The following PRR23C variants were observed in gnomAD, a reference collection of about 807,000 sequenced individuals.
PRR23C encodes the protein proline rich 23C, also known as proline-rich protein 23C.
Under a neutral mutation model 0.1 loss-of-function variants are expected in PRR23C, and 1 was observed. The observed-to-expected ratio is 6.80, with a 90% CI of 2.41 to 32.24. The LOEUF (loss-of-function observed/expected upper bound fraction) is 32.24. Among genes scored for constraint, PRR23C ranks in the 30% most tolerant of loss-of-function variants. The pLI, the probability that PRR23C is intolerant of heterozygous loss-of-function variation, is 0.11. For synonymous variants in PRR23C, 172 were observed against 168.1 expected, an observed-to-expected ratio of 1.02 and a Z score of -0.18; for missense variants, 361 against 370.4, an observed-to-expected ratio of 0.97 and a Z score of 0.21.
chr3:139,044,544 G>A lies in PRR23C; in HGVS notation c.77C>T (p.Ala26Val). ...GGGCTCCTCCAATCGGCTGCGCTTG[G>A]CAGGGCCTGGTCCTCCTGGCTGCTG... is the stretch of plus-strand genomic sequence containing the variant. ...WGQQPGGPGPAKRSRLEEPAG... is the reference protein window; with the variant it reads ...WGQQPGGPGPVKRSRLEEPAG... The change falls in exon 1 of 1, where the codon GCC (alanine) becomes GTC (valine). Residue 26 changes from alanine (A) to valine (V), a missense_variant. Ala to Val is a moderately conservative substitution (Grantham distance 64). Transcript: ENST00000413199. This position sits in a 1 kb window ranked among gnomAD's most constrained non-coding sequence, Gnocchi z 7.5. 2 of 1,543,518 alleles carry A rather than the reference G, an allele frequency of 1.3e-6. No individual in the cohort carries two copies. The highest frequency in any genetic ancestry group is 1.4e-5 in the African/African-American group (1 of 73,048).
chr3:139,044,224 C>T lies in PRR23C; in HGVS notation c.397G>A (p.Glu133Lys), dbSNP rs1937176036. 1.9e-6 allele frequency: 3 copies of T among 1,611,778 alleles called. No homozygotes were observed. The highest frequency in any genetic ancestry group is 2.5e-6 in the Non-Finnish European group (3 of 1,178,930). The stretch of plus-strand genomic sequence containing the variant: ...ACTTCCTGCTCGACGACGACGTCTT[C>T]CCCGTGAGCGCCCAGGAAAACGTCC... Reference protein sequence around the residue: ...EVDVFLGAHGEDVVVEQEVCA... With the variant: ...EVDVFLGAHGKDVVVEQEVCA... The change falls in exon 1 of 1, where the codon GAA becomes AAA. Residue 133 changes from glutamate to lysine, a missense_variant. Transcript: ENST00000413199. This position sits in a 1 kb window ranked among gnomAD's most constrained non-coding sequence, Gnocchi z 7.5.
At position 139,044,844 on chromosome 3, in the gene PRR23C, G is replaced by A. The variant is rs1280159440; in HGVS notation, c.-224C>T. 14 of 540,910 alleles carry A rather than the reference G, an allele frequency of 2.6e-5. No homozygotes were observed. The highest frequency in any genetic ancestry group is 4.1e-5 in the Admixed American group (1 of 24,642). The allele number at this position is 540,910 out of a possible 1,614,324, so 33.5% of individuals were successfully genotyped here. On this transcript the variant is annotated 5_prime_UTR_variant, in exon 1 of 1. Coordinates refer to ENST00000413199, the MANE Select transcript of PRR23C (RefSeq NM_001134657.1). This position sits in a 1 kb window ranked among gnomAD's most constrained non-coding sequence, Gnocchi z 7.5. ...GCTCAGCCTCGCGCGATGGAAACTT[G>A]GGCCTTCCTGACGCAGACCCGGATG... is the stretch of plus-strand genomic sequence containing the variant.
rs1186407527 is a variant in PRR23C at position 139,044,503 on chromosome 3, G to T, written c.118C>A (p.Arg40=). The change falls in exon 1 of 1, where the codon CGA becomes AGA. Residue 40 remains arginine (R), a synonymous_variant. Transcript: ENST00000413199. This position sits in a 1 kb window ranked among gnomAD's most constrained non-coding sequence, Gnocchi z 7.5. ...GGGTCTTCCGGGCTGGGCGCCGCTC[G>T]GGATTCGGGGCCCGCGGGCTCCTCC... The part of the protein sequence containing the change: ...RLEEPAGPES[R]AAPSPEDPAG... 1 of 1,543,466 alleles carries T rather than the reference G, an allele frequency of 6.5e-7. No individual in the cohort carries two copies. The highest frequency in any genetic ancestry group is 2.4e-5 in the East Asian group (1 of 40,824).
chr3:139,044,711 C>G lies in PRR23C; in HGVS notation c.-91G>C. The G allele has an allele frequency of 7.4e-7, 1 of 1,349,418 alleles. No homozygotes were observed. Among genetic ancestry groups the G allele is most frequent in the Non-Finnish European group, 9.7e-7 (1 of 1,030,890 alleles). 83.6% of individuals were successfully genotyped at this position (1,349,418 alleles called of 1,614,324 possible). A position where few individuals can be genotyped will look rare whatever the true frequency, so the allele number is the denominator to read the frequency against. On this transcript the variant is annotated 5_prime_UTR_variant, in exon 1 of 1. Transcript: ENST00000413199. This position sits in a 1 kb window ranked among gnomAD's most constrained non-coding sequence, Gnocchi z 7.5. ...GGCGGCGAAGTCCTCTTTGAGGTAA[C>G]AGGTGTCGGCAGGACCGCGCGACGC...
At position 139,044,522 on chromosome 3, in the gene PRR23C, C is replaced by T. The variant is rs201245162; in HGVS notation, c.99G>A (p.Glu33=). The part of the protein sequence containing the change: ...PGPAKRSRLE[E]PAGPESRAAP... ...CCGCTCGGGATTCGGGGCCCGCGGG[C>T]TCCTCCAATCGGCTGCGCTTGGCAG... is the stretch of plus-strand genomic sequence containing the variant. Residue 33 remains glutamate (E), a synonymous_variant, in exon 1 of 1, where the codon GAG becomes GAA. Transcript: ENST00000413199. This position sits in a 1 kb window ranked among gnomAD's most constrained non-coding sequence, Gnocchi z 7.5. 1 of 1,544,790 alleles carries T rather than the reference C, an allele frequency of 6.5e-7. No homozygotes were observed. The highest frequency in any genetic ancestry group is 8.7e-7 in the Non-Finnish European group (1 of 1,145,718).
chr3:139,044,286 G>A lies in PRR23C; in HGVS notation c.335C>T (p.Ser112Leu), dbSNP rs1200375371. The change falls in exon 1 of 1, where the codon TCA becomes TTA. Residue 112 changes from serine (S) to leucine (L), a missense_variant. Coordinates refer to ENST00000413199, the MANE Select transcript of PRR23C (RefSeq NM_001134657.1). The surrounding 1 kb of genome is among the most constrained non-coding windows in gnomAD (Gnocchi z 7.5). ...EVLLSSVDEC[S>L]GAQGDWSAGL... ...GGCAGACCAGTCGCCCTGCGCTCCT[G>A]AGCATTCGTCGACGGAGCTCAGGAG... The A allele has an allele frequency of 1.2e-6, 2 of 1,609,444 alleles. No individual in the cohort carries two copies. The highest frequency in any genetic ancestry group is 1.7e-6 in the Non-Finnish European group (2 of 1,178,012).
In PRR23C at chr3:139,043,951, G is replaced by T. The variant is rs1372208318; in HGVS notation, c.670C>A (p.Pro224Thr). ...IFDLEFHLLE[P>T]VPSSPLQPLP... ...GGTTGGAGAGGTGAGCTGGGGACAG[G>T]CTCCAGAAGATGGAATTCCAGGTCG... Residue 224 changes from proline to threonine, a missense_variant, in exon 1 of 1, where the codon CCT (proline) becomes ACT (threonine). Pro to Thr is a conservative substitution (Grantham distance 38). Coordinates refer to ENST00000413199, the MANE Select transcript of PRR23C (RefSeq NM_001134657.1). 2 of 1,607,598 alleles carry T rather than the reference G, an allele frequency of 1.2e-6. No homozygotes were observed. The highest frequency in any genetic ancestry group is 1.7e-6 in the Non-Finnish European group (2 of 1,176,906).
rs913736655 is a variant in PRR23C, at chr3:139,044,563, G to T, written c.58C>A (p.Pro20Thr). The T allele has an allele frequency of 1.2e-5, 18 of 1,541,128 alleles. No homozygotes were observed. Among genetic ancestry groups the T allele is most frequent in the Middle Eastern group, 2.2e-4 (1 of 4,562 alleles). ...CGCTTGGCAGGGCCTGGTCCTCCTG[G>T]CTGCTGTCCCCACCAGGGCGCAAGG... ...ACLAPWWGQQ[P>T]GGPGPAKRSR... is the part of the protein sequence containing the mutation. The change falls in exon 1 of 1, where the codon CCA (proline) becomes ACA (threonine). Residue 20 changes from proline (P) to threonine (T), a missense_variant. Transcript: ENST00000413199. This position sits in a 1 kb window ranked among gnomAD's most constrained non-coding sequence, Gnocchi z 7.5.
chr3:139,043,776 A>G lies in PRR23C; in HGVS notation c.*56T>C, dbSNP rs1423134263. 1.4e-6 allele frequency: 2 copies of G among 1,427,110 alleles called. No individual in the cohort carries two copies. Among genetic ancestry groups the G allele is most frequent in the Non-Finnish European group, 1.9e-6 (2 of 1,071,754 alleles). The allele number at this position is 1,427,110 out of a possible 1,614,324, so 88.4% of individuals were successfully genotyped here. A position where few individuals can be genotyped will look rare whatever the true frequency, so the allele number is the denominator to read the frequency against. ...GTTGCGCAACATACACACAACGGCTATCAGGAGACGGTCTCCTGGAGCCCA... is the reference window on the plus strand; with the variant it reads ...GTTGCGCAACATACACACAACGGCTGTCAGGAGACGGTCTCCTGGAGCCCA... On this transcript the variant is annotated 3_prime_UTR_variant, in exon 1 of 1. Coordinates refer to ENST00000413199, the MANE Select transcript of PRR23C (RefSeq NM_001134657.1).
rs747717754 is a variant in PRR23C at position 139,044,363 on chromosome 3, C to T, written c.258G>A (p.Ser86=). 2.5e-6 allele frequency: 4 copies of T among 1,597,846 alleles called. No homozygotes were observed. The highest frequency in any genetic ancestry group is 1.7e-5 in the Admixed American group (1 of 57,538). The change falls in exon 1 of 1, where the codon TCG becomes TCA. Residue 86 remains serine (S), a synonymous_variant. Transcript: ENST00000413199. The surrounding 1 kb of genome is among the most constrained non-coding windows in gnomAD (Gnocchi z 7.5). Reference sequence around the variant, plus strand: ...GTCCACCAAGAGACACTCGCAGGACCGACATTGGCGCGAGCTCCAGCACCA... The same window carrying T: ...GTCCACCAAGAGACACTCGCAGGACTGACATTGGCGCGAGCTCCAGCACCA... ...VDLVLELAPM[S]VLRVSLGGHT...
chr3:139,044,368 TTGG>T lies in PRR23C; in HGVS notation c.250_252del (p.Pro84del). 1.3e-6 allele frequency: 2 copies of T among 1,594,338 alleles called. No individual in the cohort carries two copies. The highest frequency in any genetic ancestry group is 1.7e-6 in the Non-Finnish European group (2 of 1,170,976). ...CCAAGAGACACTCGCAGGACCGACA[TTGG>T]CGCGAGCTCCAGCACCAGGTCGACG... is the stretch of plus-strand genomic sequence containing the variant. On this transcript the variant is annotated inframe_deletion, in exon 1 of 1. Coordinates refer to ENST00000413199, the MANE Select transcript of PRR23C (RefSeq NM_001134657.1). The surrounding 1 kb of genome is among the most constrained non-coding windows in gnomAD (Gnocchi z 7.5).
chr3:139,043,872 C>A lies in PRR23C; in HGVS notation c.749G>T (p.Arg250Leu). The A allele has an allele frequency of 1.9e-6, 3 of 1,563,646 alleles. No individual in the cohort carries two copies. Among genetic ancestry groups the A allele is most frequent in the Non-Finnish European group, 2.6e-6 (3 of 1,155,016 alleles). The stretch of plus-strand genomic sequence containing the variant: ...GCGTCTTCGGACCTTGCACGGAGGG[C>A]GCTCTGGGAGCTCCGGGCGCGCGTG... ...GPHARPELPE[R>L]PPCKVRRRLF... The change falls in exon 1 of 1, where the codon CGC becomes CTC. Residue 250 changes from arginine to leucine, a missense_variant. Coordinates refer to ENST00000413199, the MANE Select transcript of PRR23C (RefSeq NM_001134657.1).
Position 139,043,829 on chromosome 3 carries a change from A to G in PRR23C, c.*3T>C, listed in dbSNP as rs774462629. On this transcript the variant is annotated 3_prime_UTR_variant, in exon 1 of 1. Coordinates refer to ENST00000413199, the MANE Select transcript of PRR23C (RefSeq NM_001134657.1). The stretch of plus-strand genomic sequence containing the variant: ...AGGGTGGCAAGGGATTGTGGGAGGC[A>G]ACTCATTCCTGGAACAGGCGTCTTC... 1.2e-5 allele frequency: 19 copies of G among 1,525,070 alleles called. No homozygotes were observed. The Middle Eastern group carries it at 8.6e-4, about 69-fold the overall frequency. The allele number at this position is 1,525,070 out of a possible 1,614,324, so 94.5% of individuals were successfully genotyped here. A position where few individuals can be genotyped will look rare whatever the true frequency, so the allele number is the denominator to read the frequency against.
In PRR23C at chr3:139,043,545, C is replaced by G. The variant is rs1937163200; in HGVS notation, c.*287G>C. ...GCAAAACCAGGGGGAATGGAGCTGCCTAGGGGTGACTTCCAAACAAAACAG... is the reference window on the plus strand; with the variant it reads ...GCAAAACCAGGGGGAATGGAGCTGCGTAGGGGTGACTTCCAAACAAAACAG... On this transcript the variant is annotated 3_prime_UTR_variant, in exon 1 of 1. Transcript: ENST00000413199. The G allele has an allele frequency of 3.3e-6, 1 of 302,194 alleles. No homozygotes were observed. The highest frequency in any genetic ancestry group is 2.1e-5 in the African/African-American group (1 of 46,680). 18.7% of individuals were successfully genotyped at this position (302,194 alleles called of 1,614,324 possible). A position where few individuals can be genotyped will look rare whatever the true frequency, so the allele number is the denominator to read the frequency against.
rs1576496553 is a variant in PRR23C at position 139,044,559 on chromosome 3, C to T, written c.62G>A (p.Gly21Glu). The change falls in exon 1 of 1, where the codon GGA becomes GAA. Residue 21 changes from glycine (G) to glutamate (E), a missense_variant. Transcript: ENST00000413199. The surrounding 1 kb of genome is among the most constrained non-coding windows in gnomAD (Gnocchi z 7.5). ...GCTGCGCTTGGCAGGGCCTGGTCCTCCTGGCTGCTGTCCCCACCAGGGCGC... is the reference window on the plus strand; with the variant it reads ...GCTGCGCTTGGCAGGGCCTGGTCCTTCTGGCTGCTGTCCCCACCAGGGCGC... Reference protein sequence around the residue: ...CLAPWWGQQPGGPGPAKRSRL... With the variant: ...CLAPWWGQQPEGPGPAKRSRL... 3 of 1,541,734 alleles carry T rather than the reference C, an allele frequency of 1.9e-6. No homozygotes were observed. In the East Asian group the frequency reaches 7.4e-5, roughly 38 times the overall value.
chr3:139,042,841 G>A lies in PRR23C; in HGVS notation c.*991C>T, dbSNP rs1424764819. The A allele has an allele frequency of 6.6e-6, 1 of 152,250 alleles. No homozygotes were observed. Among genetic ancestry groups the A allele is most frequent in the African/African-American group, 2.4e-5 (1 of 41,460 alleles). 9.4% of individuals were successfully genotyped at this position (152,250 alleles called of 1,614,324 possible). ...GAGGTGGATGGATCACCTGAAGTCA[G>A]GAGTTCGAGACCAGCCTGGCCAACA... On this transcript the variant is annotated 3_prime_UTR_variant, in exon 1 of 1. Transcript: ENST00000413199.
At position 139,044,689 on chromosome 3, in the gene PRR23C, G is replaced by A. The variant is rs1259657022; in HGVS notation, c.-69C>T. 3 of 1,410,162 alleles carry A rather than the reference G, an allele frequency of 2.1e-6. No individual in the cohort carries two copies. The highest frequency in any genetic ancestry group is 2.8e-6 in the Non-Finnish European group (3 of 1,084,574). 87.4% of individuals were successfully genotyped at this position (1,410,162 alleles called of 1,614,324 possible). A position where few individuals can be genotyped will look rare whatever the true frequency, so the allele number is the denominator to read the frequency against. ...GACGTGGGTGCGGGGGGCTCGGGGC[G>A]GCGAAGTCCTCTTTGAGGTAACAGG... On this transcript the variant is annotated 5_prime_UTR_variant, in exon 1 of 1. Transcript: ENST00000413199. This position sits in a 1 kb window ranked among gnomAD's most constrained non-coding sequence, Gnocchi z 7.5.
rs1423972708 is a variant in PRR23C at position 139,042,364 on chromosome 3, A to C, written c.*1468T>G. The C allele has an allele frequency of 1.3e-5, 2 of 151,486 alleles. No individual in the cohort carries two copies. The highest frequency in any genetic ancestry group is 4.9e-5 in the African/African-American group (2 of 41,234). The allele number at this position is 151,486 out of a possible 1,614,324, so 9.4% of individuals were successfully genotyped here. A position where few individuals can be genotyped will look rare whatever the true frequency, so the allele number is the denominator to read the frequency against. On this transcript the variant is annotated 3_prime_UTR_variant, in exon 1 of 1. Coordinates refer to ENST00000413199, the MANE Select transcript of PRR23C (RefSeq NM_001134657.1). ...ATAATTAAATGTCAACATTTAAAAC[A>C]ACTTGATAACATCTTTGTAGTAACA...
In PRR23C at chr3:139,043,797, G is replaced by A. The variant is rs1249184158; in HGVS notation, c.*35C>T. On this transcript the variant is annotated 3_prime_UTR_variant, in exon 1 of 1. Coordinates refer to ENST00000413199, the MANE Select transcript of PRR23C (RefSeq NM_001134657.1). ...GGCTATCAGGAGACGGTCTCCTGGAGCCCAGCAGGGTGGCAAGGGATTGTG... is the reference window on the plus strand; with the variant it reads ...GGCTATCAGGAGACGGTCTCCTGGAACCCAGCAGGGTGGCAAGGGATTGTG... 6.7e-6 allele frequency: 10 copies of A among 1,486,606 alleles called. No individual in the cohort carries two copies. The highest frequency in any genetic ancestry group is 2.4e-5 in the Admixed American group (1 of 41,054). 92.1% of individuals were successfully genotyped at this position (1,486,606 alleles called of 1,614,324 possible).
Sources: allele counts gnomAD v4.1 joint callset, GRCh38; gene constraint gnomAD v4.1.1; non-coding constraint Gnocchi (gnomAD v3.1); transcripts MANE v1.5; gene names NCBI Gene and HGNC (gene_info 2026-07-23, HGNC 2026-07-21).